Variants in SNTG1 observed in about 807,000 individuals in gnomAD.
SNTG1 encodes gamma-1-syntrophin.
Under a neutral mutation model 74.7 loss-of-function variants are expected in SNTG1, and 39 were observed. That is an observed-to-expected ratio of 0.52 (90% CI 0.40 to 0.68). The LOEUF (loss-of-function observed/expected upper bound fraction) is 0.68. Among genes scored for constraint, SNTG1 ranks in the 30% least tolerant of loss-of-function variants. The probability of loss-of-function intolerance (pLI) is 0.00; values close to 1 mark genes in which losing one functional copy is unlikely to be tolerated. For missense variants in SNTG1, 685 were observed against 609.5 expected (o/e 1.12, Z -1.30); for synonymous variants, 254 against 217.1 (o/e 1.17, Z -1.49).
At chr8:50,421,738 A>T (rs1469253346) in intron 4 of SNTG1, among the ~76,000 whole-genome samples, 2 of 152,154 alleles carry the variant, frequency 1.3e-5, no homozygotes, top group African/African-American at 2.4e-5. Flanking sequence ...GGTCTGCTGA[A>T]AGATCACTGA....
intron 1 of SNTG1, among the ~76,000 whole-genome samples, chr8:49,962,828 A>G (rs1204228897): frequency 6.6e-6 from 1 of 152,138 alleles, no homozygotes; most frequent in Non-Finnish European, 1.5e-5. Flanking sequence ...CTTGACCTCA[A>G]GTTGTTCCAC....
rs148143037 is a variant in SNTG1, at chr8:50,573,001, C to T, written c.811-17878C>T. Among the ~76,000 whole-genome samples, 583 of 152,078 alleles carry T rather than the reference C, an allele frequency of 3.8e-3. 4 individuals carry two copies. The highest frequency in any genetic ancestry group is 0.013 in the African/African-American group (547 of 41,490). ...TTGTCCATCTGGAGAGCACAACTCC[C>T]CAGTCATCAAGGTGTCTTGTATATG... On this transcript the variant is annotated intron_variant, in intron 12 of 18. Transcript: ENST00000642720.
At chr8:50,488,352 A>T (rs1001066789) in intron 8 of SNTG1, among the ~76,000 whole-genome samples, 2 of 152,210 alleles carry the variant, frequency 1.3e-5, no homozygotes, top group African/African-American at 4.8e-5. Context: ...GCTATGTTTG[A>T]GCAAGTCACT....
chr8:50,586,204 G>A (rs1477940072), intron 12 of SNTG1, among the ~76,000 whole-genome samples: 1 of 152,120 alleles, frequency 6.6e-6, no homozygotes, highest in Non-Finnish European at 1.5e-5. Context: ...TCTTCAAAGG[G>A]AATTCAAGCT....
intron 2 of SNTG1, among the ~76,000 whole-genome samples, chr8:50,250,805 G>A (rs1017757106): frequency 9.2e-5 from 14 of 151,976 alleles, no homozygotes; most frequent in Non-Finnish European, 1.5e-4. Flanking sequence ...AGCAAAAACT[G>A]AGGCAATCCA....
intron 1 of SNTG1, among the ~76,000 whole-genome samples, chr8:50,157,453 T>C (rs1355559998): frequency 1.3e-5 from 2 of 152,086 alleles, no homozygotes; most frequent in African/African-American, 4.8e-5. Flanking sequence ...TGATAATTCT[T>C]TAAGGTAAAT....
intron 1 of SNTG1, among the ~76,000 whole-genome samples, chr8:50,052,955 T>C (rs1819699947): frequency 6.6e-6 from 1 of 152,152 alleles, no homozygotes; most frequent in Non-Finnish European, 1.5e-5. Context: ...CACTCTTATA[T>C]TGCTGGGGCA....
chr8:50,778,970 C>A (rs1485864929), intron 18 of SNTG1, among the ~76,000 whole-genome samples: 2 of 152,116 alleles, frequency 1.3e-5, no homozygotes, highest in Non-Finnish European at 1.5e-5. Context: ...AATCTTTCCC[C>A]ATTGCCTGTT....
intron 1 of SNTG1, among the ~76,000 whole-genome samples, chr8:49,989,984 T>G (rs1281354421): frequency 6.6e-6 from 1 of 151,950 alleles, no homozygotes; most frequent in African/African-American, 2.4e-5. Flanking sequence ...GAAAAACCTA[T>G]AGCTAACATA....
rs1450704094 is a variant in SNTG1, at chr8:50,708,968, C to T, written c.1274C>T (p.Ala425Val). 2.5e-6 allele frequency: 4 copies of T among 1,612,786 alleles called. No homozygotes were observed. In the Admixed American group the frequency reaches 5.0e-5, roughly 20 times the overall value. ...AGCACAGGATTTATCTGCTTTGATG[C>T]TGCAACAAAGGTAATGTGTTCAGGT... is the stretch of plus-strand genomic sequence containing the variant. ...DFSTGFICFD[A>V]ATKAVLWRYK... The change falls in exon 17 of 19, where the codon GCT becomes GTT. Residue 425 changes from alanine (A) to valine (V), a missense_variant. Physicochemically the swap from Ala to Val is moderately conservative, Grantham distance 64 (BLOSUM62 0). Transcript: ENST00000642720.
chr8:49,969,079 TAGAC>T (rs60095962), intron 1 of SNTG1, among the ~76,000 whole-genome samples: 9 of 152,338 alleles, frequency 5.9e-5, no homozygotes, highest in East Asian at 1.9e-4. Flanking sequence ...GGCAGAATGA[TAGAC>T]AGATTAGGTG....
chr8:50,695,961 C>A (rs1302429297), intron 15 of SNTG1, among the ~76,000 whole-genome samples: 3 of 151,772 alleles, frequency 2.0e-5, no homozygotes, highest in Non-Finnish European at 4.4e-5. Context: ...AAAATGATTT[C>A]TTTTCCTTTG....
chr8:50,153,751 C>T (rs114526127), intron 1 of SNTG1, among the ~76,000 whole-genome samples: 2,644 of 152,292 alleles, frequency 0.017, 67 homozygotes, highest in African/African-American at 0.054. Flanking sequence ...GCTGCCAGAT[C>T]GTTCCTCTGG....
At chr8:50,228,353 AGAAG>A (rs1320306199) in intron 2 of SNTG1, among the ~76,000 whole-genome samples, 2 of 151,976 alleles carry the variant, frequency 1.3e-5, no homozygotes, top group African/African-American at 4.8e-5. Context: ...AAAGATGATC[AGAAG>A]GAATATTTGA....
At chr8:50,637,923 G>C (rs1181461848) in intron 13 of SNTG1, among the ~76,000 whole-genome samples, 2 of 152,154 alleles carry the variant, frequency 1.3e-5, no homozygotes, top group South Asian at 4.1e-4. Flanking sequence ...TTAAGGTTAA[G>C]TTTTGCAAGA....
At chr8:50,576,879 A>G (rs1296302844) in intron 12 of SNTG1, among the ~76,000 whole-genome samples, 2 of 152,162 alleles carry the variant, frequency 1.3e-5, no homozygotes, top group African/African-American at 4.8e-5. Flanking sequence ...TTTTCCACAT[A>G]TGAGATCATA....
intron 1 of SNTG1, among the ~76,000 whole-genome samples, chr8:49,935,952 G>C (rs1014917987): frequency 2.0e-5 from 3 of 152,160 alleles, no homozygotes; most frequent in Admixed American, 2.0e-4. Context: ...CTCTGACATG[G>C]ATAGCAGTGA....
intron 13 of SNTG1, among the ~76,000 whole-genome samples, chr8:50,614,867 A>T (rs1167365143): frequency 6.6e-6 from 1 of 152,096 alleles, no homozygotes; most frequent in Non-Finnish European, 1.5e-5. Flanking sequence ...ATTAATTATT[A>T]CTTAATACAA....
At chr8:50,430,521 C>A (rs768911458) in intron 4 of SNTG1, among the ~76,000 whole-genome samples, 1 of 152,098 alleles carries the variant, frequency 6.6e-6, no homozygotes, top group South Asian at 2.1e-4. Flanking sequence ...GGATTGTTAA[C>A]CTGTATGTAC....
Sources: allele counts gnomAD v4.1 joint callset (sites outside exome capture counted in the v4.1 genomes callset), GRCh38; gene constraint gnomAD v4.1.1; transcripts MANE v1.5; gene names NCBI Gene and HGNC (gene_info 2026-07-23, HGNC 2026-07-21).